MS4A18: variants seen among roughly 807,000 people sequenced by gnomAD.
MS4A18 encodes the protein membrane-spanning 4-domains subfamily A member 18.
A neutral mutation model predicts 13.1 loss-of-function variants in MS4A18; 27 were observed. That is an observed-to-expected ratio of 2.06 (90% CI 1.52 to 2.84). The LOEUF (loss-of-function observed/expected upper bound fraction) is 2.84. Among genes scored for constraint, MS4A18 ranks in the 30% most tolerant of loss-of-function variants. The probability of loss-of-function intolerance (pLI) is 0.00; values close to 1 mark genes in which losing one functional copy is unlikely to be tolerated. For missense variants in MS4A18, 307 were observed against 196.4 expected (o/e 1.56, Z -3.37); for synonymous variants, 126 against 76.5 (o/e 1.65, Z -3.38).
upstream of MS4A18, among the ~76,000 whole-genome samples, chr11:60,727,631 T>A (rs1853185248): frequency 6.6e-6 from 1 of 152,172 alleles, no homozygotes; most frequent in Admixed American, 6.5e-5. Context: ...CCTGAGAACA[T>A]ACCTCTGGGG....
chr11:60,740,344 G>T (rs1346348050), intron 4 of MS4A18, among the ~76,000 whole-genome samples: 1 of 152,180 alleles, frequency 6.6e-6, no homozygotes, highest in African/African-American at 2.4e-5. Context: ...CAGGCCCAGA[G>T]CACACTGAGC....
intron 2 of MS4A18, among the ~76,000 whole-genome samples, chr11:60,734,260 G>T (rs1362553236): frequency 6.7e-6 from 1 of 149,902 alleles, no homozygotes; most frequent in African/African-American, 2.5e-5. Flanking sequence ...TGTCTCAAAG[G>T]AAAAAAAAAG....
chr11:60,731,088 A>T (rs146218258), intron 1 of MS4A18, among the ~76,000 whole-genome samples: 299 of 152,244 alleles, frequency 2.0e-3, no homozygotes, highest in Middle Eastern at 6.8e-3. Context: ...AGCTAGACTC[A>T]GTCTTTAAAA....
downstream of MS4A18, among the ~76,000 whole-genome samples, chr11:60,744,587 G>C (rs1565063110): frequency 6.6e-6 from 1 of 152,244 alleles, no homozygotes; most frequent in East Asian, 1.9e-4. Flanking sequence ...AAAGTCATAG[G>C]CTGGAAGAAA....
upstream of MS4A18, among the ~76,000 whole-genome samples, chr11:60,727,794 C>A (rs1590960632): frequency 6.6e-6 from 1 of 152,172 alleles, no homozygotes; most frequent in African/African-American, 2.4e-5. Context: ...ATCTTCGCAT[C>A]TAATAATATC....
At chr11:60,725,221 T>A (rs1853132366), upstream of MS4A18, among the ~76,000 whole-genome samples, 1 of 151,976 alleles carries the variant, frequency 6.6e-6, no homozygotes, top group Non-Finnish European at 1.5e-5. Context: ...TGAGACGGAG[T>A]CTCGCTCTGT....
At chr11:60,729,206 C>G, upstream of MS4A18, 2 of 620,748 alleles carry the variant, frequency 3.2e-6, no homozygotes, top group Non-Finnish European at 5.8e-6. Flanking sequence ...CTAGGTGATT[C>G]TTATTTTAAT....
intron 5 of MS4A18, among the ~76,000 whole-genome samples, chr11:60,741,725 C>T (rs1853417281): frequency 6.6e-6 from 1 of 152,092 alleles, no homozygotes; most frequent in Admixed American, 6.5e-5. Context: ...TTGCAGTCTA[C>T]AACACTCTTT....
chr11:60,741,888 C>A (rs573479940), intron 5 of MS4A18, among the ~76,000 whole-genome samples: 3 of 152,298 alleles, frequency 2.0e-5, no homozygotes, highest in African/African-American at 7.2e-5. Flanking sequence ...GGGTGTATTG[C>A]TCTTCTTGAT....
chr11:60,740,502 AC>A (rs1366639085), intron 4 of MS4A18, among the ~76,000 whole-genome samples: 1 of 152,174 alleles, frequency 6.6e-6, no homozygotes, highest in African/African-American at 2.4e-5. Context: ...AGAGCTAAGG[AC>A]CCTGACCTAG....
Position 60,743,840 on chromosome 11 carries a change from A to G in MS4A18, c.1049A>G (p.Asn350Ser), listed in dbSNP as rs114519354. The change falls in exon 6 of 6, where the codon AAT becomes AGT. Residue 350 changes from asparagine to serine, a missense_variant. Coordinates refer to ENST00000529108, the Ensembl canonical transcript of MS4A18. ...GTCAACACCACCACCAGCCCTGTCA[A>G]TGTTACCACTGGTCCTGTCAATGCT... 3.4e-3 allele frequency: 2,407 copies of G among 703,136 alleles called. 39 individuals carry two copies. In the African/African-American group the frequency reaches 0.037, roughly 11 times the overall value. The allele number at this position is 703,136 out of a possible 1,614,324, so 43.6% of individuals were successfully genotyped here. A position where few individuals can be genotyped will look rare whatever the true frequency, so the allele number is the denominator to read the frequency against.
intron 5 of MS4A18, 60 bp from the exon 7 acceptor site, chr11:60,743,590 T>C: frequency 3.0e-6 from 2 of 669,168 alleles, no homozygotes; most frequent in South Asian, 1.7e-5. Context: ...AAAAAAATTA[T>C]GGCCATTGTT....
chr11:60,745,023 A>G (rs1853465044), downstream of MS4A18, among the ~76,000 whole-genome samples: 15 of 152,324 alleles, frequency 9.8e-5, 1 homozygote, highest in South Asian at 2.9e-3. Flanking sequence ...TTACTTCCAC[A>G]CGAAATGCGA....
exon 4 of MS4A18, chr11:60,738,941 T>C: frequency 1.4e-6 from 1 of 703,374 alleles, no homozygotes; most frequent in Non-Finnish European, 2.6e-6. Flanking sequence ...CAGCGCACTC[T>C]TCGCCTTTGC....
intron 1 of MS4A18, among the ~76,000 whole-genome samples, chr11:60,730,997 G>A (rs1853245887): frequency 1.3e-5 from 2 of 152,168 alleles, no homozygotes. Context: ...TGGAGGCTGA[G>A]GCAGGAGAAT....
intron 3 of MS4A18, among the ~76,000 whole-genome samples, chr11:60,738,382 C>T (rs978592518): frequency 1.8e-4 from 27 of 152,168 alleles, no homozygotes; most frequent in Non-Finnish European, 7.3e-5. Context: ...CCCCGACTCC[C>T]TTCCCTCAAT....
upstream of MS4A18, among the ~76,000 whole-genome samples, chr11:60,726,627 C>T (rs1026298289): frequency 1.3e-5 from 2 of 152,058 alleles, no homozygotes; most frequent in African/African-American, 4.8e-5. Context: ...TTGAGATCCT[C>T]TGCTATTAAT....
rs147690512 is a variant in MS4A18 at position 60,737,255 on chromosome 11, C to T, written c.648+221C>T. 2.0e-4 allele frequency among the ~76,000 whole-genome samples: 31 copies of T among 152,306 alleles called. No homozygotes were observed. The East Asian group carries it at 5.6e-3, about 27-fold the overall frequency. On this transcript the variant is annotated intron_variant, in intron 3 of 5. Coordinates refer to ENST00000529108, the Ensembl canonical transcript of MS4A18. The stretch of plus-strand genomic sequence containing the variant: ...AGGAGCAGAGAGGTCAGGTGGCTTG[C>T]CTAAGATCACACAGTGAGTACATGG...
At chr11:60,727,191 T>C (rs1485829240), upstream of MS4A18, among the ~76,000 whole-genome samples, 2 of 152,148 alleles carry the variant, frequency 1.3e-5, no homozygotes, top group African/African-American at 4.8e-5. Context: ...TTCCAAGACT[T>C]TGCTAAACAA....
Sources: allele counts gnomAD v4.1 joint callset (sites outside exome capture counted in the v4.1 genomes callset), GRCh38; gene constraint gnomAD v4.1.1; transcripts MANE v1.5; gene names NCBI Gene and HGNC (gene_info 2026-07-23, HGNC 2026-07-21).